RASA3: variants seen among roughly 807,000 people sequenced by gnomAD.
RASA3 encodes the protein ras GTPase-activating protein 3.
RASA3 carries 73 observed loss-of-function variants against 110.0 expected under a neutral mutation model. The observed-to-expected ratio is 0.66, with a 90% CI of 0.55 to 0.81. The LOEUF (loss-of-function observed/expected upper bound fraction) is 0.81, where lower values mean the gene tolerates loss of function less well. Among genes scored for constraint, RASA3 ranks in the 30% least tolerant of loss-of-function variants. The pLI is 0.00. For synonymous variants in RASA3, 500 were observed against 451.4 expected, an observed-to-expected ratio of 1.11 and a Z score of -1.37; for missense variants, 976 against 1,113.2, an observed-to-expected ratio of 0.88 and a Z score of 1.75.
At chr13:114,083,383 C>T (rs1012488033) in intron 1 of RASA3, among the ~76,000 whole-genome samples, 1 of 152,236 alleles carries the variant, frequency 6.6e-6, no homozygotes, top group South Asian at 2.1e-4. Context: ...TTTCAAGCGA[C>T]CAGTGTGGCC....
At chr13:114,047,834 A>C (rs994730328) in intron 3 of RASA3, among the ~76,000 whole-genome samples, 29 of 152,198 alleles carry the variant, frequency 1.9e-4, no homozygotes, top group African/African-American at 6.8e-4. Context: ...GCCTCAGAGC[A>C]GTGGCTGCCC....
chr13:114,070,593 G>A (rs1330448404), intron 2 of RASA3, among the ~76,000 whole-genome samples: 2 of 152,162 alleles, frequency 1.3e-5, no homozygotes, highest in Non-Finnish European at 2.9e-5. Context: ...GGCTGCCAGC[G>A]TCCACACTAA....
chr13:114,110,790 C>T (rs576756937), intron 1 of RASA3, among the ~76,000 whole-genome samples: 5 of 152,350 alleles, frequency 3.3e-5, no homozygotes, highest in Middle Eastern at 3.4e-3. Flanking sequence ...CACCAGGACA[C>T]ACCCATCCGG....
rs1472955961 is a variant in RASA3, at chr13:113,979,389, G to A, written c.2463C>T (p.Asn821=). The change falls in exon 24 of 24, where the codon AAC becomes AAT. Residue 821 remains asparagine (N), a synonymous_variant. Coordinates refer to ENST00000334062, the MANE Select transcript of RASA3 (RefSeq NM_007368.4). ...EHPIGDKSFQ[N]YIRQQSETST... is the part of the protein sequence containing the mutation. ...AGGTCTCGGACTGCTGCCGGATGTA[G>A]TTCTGGAAGCTCTTGTCTCCGATGG... 6.2e-7 allele frequency: 1 copy of A among 1,606,190 alleles called. No homozygotes were observed. The highest frequency in any genetic ancestry group is 1.3e-5 in the African/African-American group (1 of 74,416).
chr13:114,121,336 G>T (rs983161341), intron 1 of RASA3, among the ~76,000 whole-genome samples: 2 of 152,206 alleles, frequency 1.3e-5, no homozygotes, highest in Non-Finnish European at 2.9e-5. Flanking sequence ...GCCATGTGGG[G>T]TAGAATAAAA....
At position 114,056,711 on chromosome 13, in the gene RASA3, T is replaced by A; in HGVS notation, c.174-4556A>T. 1 of 964,924 alleles carries A rather than the reference T, an allele frequency of 1.0e-6. No homozygotes were observed. The highest frequency in any genetic ancestry group is 1.2e-6 in the Non-Finnish European group (1 of 811,314). 59.8% of individuals were successfully genotyped at this position (964,924 alleles called of 1,614,324 possible). ...ATTCATAAATAAACCAGAAATCCAT[T>A]CAATAAAAAGAGATAAAAATAGCAG... On this transcript the variant is annotated intron_variant, in intron 2 of 23. Transcript: ENST00000334062. The surrounding 1 kb of genome is among the most constrained non-coding windows in gnomAD (Gnocchi z 5.7).
chr13:114,019,434 C>T (rs1035458153), intron 9 of RASA3, among the ~76,000 whole-genome samples: 1 of 152,228 alleles, frequency 6.6e-6, no homozygotes, highest in African/African-American at 2.4e-5. Flanking sequence ...ACCCAGGAGC[C>T]CTCTTCTGCT....
intron 21 of RASA3, among the ~76,000 whole-genome samples, chr13:113,993,517 A>C (rs117565127): frequency 2.0e-5 from 3 of 151,284 alleles, no homozygotes; most frequent in Non-Finnish European, 4.4e-5. Flanking sequence ...ATTATGAAAA[A>C]CCTCCATAGC....
At chr13:114,100,650 C>T (rs917141150) in intron 1 of RASA3, among the ~76,000 whole-genome samples, 4 of 152,224 alleles carry the variant, frequency 2.6e-5, no homozygotes, top group African/African-American at 9.6e-5. Context: ...CCAGAAAGCA[C>T]ATCCCACACC....
At chr13:114,098,583 G>A (rs1029767102) in intron 1 of RASA3, among the ~76,000 whole-genome samples, 2 of 152,068 alleles carry the variant, frequency 1.3e-5, no homozygotes, top group Non-Finnish European at 2.9e-5. Flanking sequence ...GTGGAATGGG[G>A]CTGGCCGGCC....
intron 3 of RASA3, among the ~76,000 whole-genome samples, chr13:114,042,261 A>T (rs1243193552): frequency 8.8e-6 from 1 of 114,152 alleles, no homozygotes; most frequent in Non-Finnish European, 2.3e-5. Context: ...TGGCACCACC[A>T]TGTCAACCCT....
chr13:114,075,988 T>G (rs1301147791), intron 1 of RASA3, among the ~76,000 whole-genome samples: 14 of 143,468 alleles, frequency 9.8e-5, no homozygotes, highest in East Asian at 4.1e-4. Flanking sequence ...GGACGAAGCC[T>G]CCCGTGTCGG....
chr13:114,057,207 C>T lies in RASA3; in HGVS notation c.174-5052G>A, dbSNP rs564795735. 2 of 984,650 alleles carry T rather than the reference C, an allele frequency of 2.0e-6. No homozygotes were observed. Among genetic ancestry groups the T allele is most frequent in the African/African-American group, 1.7e-5 (1 of 57,222 alleles). The allele number at this position is 984,650 out of a possible 1,614,324, so 61.0% of individuals were successfully genotyped here. A position where few individuals can be genotyped will look rare whatever the true frequency, so the allele number is the denominator to read the frequency against. On this transcript the variant is annotated intron_variant, in intron 2 of 23. Transcript: ENST00000334062. This position sits in a 1 kb window ranked among gnomAD's most constrained non-coding sequence, Gnocchi z 5.0. ...TTCTTATTTCATATAACTTTTTAAA[C>T]TTAAAGTAATAAAGTTATTACTAAC...
intron 4 of RASA3, among the ~76,000 whole-genome samples, chr13:114,035,431 T>TGGGCGGGGGCTGCTG (rs2054261697): frequency 6.6e-6 from 1 of 152,166 alleles, no homozygotes; most frequent in Non-Finnish European, 1.5e-5. Flanking sequence ...CATGGGGCCC[T>TGGGCGGGGGCTGCTG]GGGCGGGGGC....
intron 3 of RASA3, among the ~76,000 whole-genome samples, chr13:114,050,685 G>A (rs529393319): frequency 6.6e-6 from 1 of 152,248 alleles, no homozygotes; most frequent in Admixed American, 6.5e-5. Context: ...ACTTGCTGTG[G>A]AGGCCCGGGA....
Position 114,108,738 on chromosome 13 carries a change from T to G in RASA3, c.55+23697A>C, listed in dbSNP as rs185087605. The G allele has an allele frequency of 5.3e-5, 8 of 152,198 alleles. No individual in the cohort carries two copies. The East Asian group carries it at 9.7e-4, about 18-fold the overall frequency. 9.4% of individuals were successfully genotyped at this position (152,198 alleles called of 1,614,324 possible). On this transcript the variant is annotated intron_variant, in intron 1 of 23. Transcript: ENST00000334062. The stretch of plus-strand genomic sequence containing the variant: ...TGTGGCGACGACACAGCCCTCAGCT[T>G]GCTCTCCAGGAGTTCTTCTGATACC...
intron 1 of RASA3, among the ~76,000 whole-genome samples, chr13:114,082,709 C>T (rs1024749342): frequency 6.6e-6 from 1 of 152,206 alleles, no homozygotes; most frequent in African/African-American, 2.4e-5. Flanking sequence ...TCACACCCAG[C>T]CTGTACGCAA....
chr13:113,998,142 T>C (rs76261735), intron 20 of RASA3, among the ~76,000 whole-genome samples: 2,215 of 152,298 alleles, frequency 0.015, 52 homozygotes, highest in African/African-American at 0.047. Flanking sequence ...TGTGAAGGGC[T>C]GGAGGTGCTT....
chr13:113,995,557 G>A (rs1422121622), intron 21 of RASA3, among the ~76,000 whole-genome samples: 1 of 152,232 alleles, frequency 6.6e-6, no homozygotes, highest in East Asian at 1.9e-4. Context: ...CTTAGGACCG[G>A]CAGATATGAC....
Sources: allele counts gnomAD v4.1 joint callset (sites outside exome capture counted in the v4.1 genomes callset), GRCh38; gene constraint gnomAD v4.1.1; non-coding constraint Gnocchi (gnomAD v3.1); transcripts MANE v1.5; gene names NCBI Gene and HGNC (gene_info 2026-07-23, HGNC 2026-07-21).